Variants in RAD18 observed in about 807,000 individuals in gnomAD.
RAD18 encodes the protein RAD18 E3 ubiquitin protein ligase, also known as E3 ubiquitin-protein ligase RAD18.
Under a neutral mutation model 60.4 loss-of-function variants are expected in RAD18, and 47 were observed. The observed-to-expected ratio is 0.78, with a 90% CI of 0.62 to 0.99. RAD18 has a LOEUF of 0.99. Among genes scored for constraint, RAD18 ranks in the 50% least tolerant of loss-of-function variants. The pLI, the probability that RAD18 is intolerant of heterozygous loss-of-function variation, is 0.00. For synonymous variants in RAD18, 225 were observed against 195.5 expected (o/e 1.15, Z -1.26); for missense variants, 640 against 593.3 (o/e 1.08, Z -0.82).
intron 11 of RAD18, among the ~76,000 whole-genome samples, chr3:8,893,128 C>A (rs1939722297): frequency 6.6e-6 from 1 of 152,130 alleles, no homozygotes; most frequent in Non-Finnish European, 1.5e-5. Flanking sequence ...CCCGAGAAAA[C>A]CTGATTACTA....
At chr3:8,918,912 T>A (rs563032320) in intron 7 of RAD18, among the ~76,000 whole-genome samples, 1 of 152,244 alleles carries the variant, frequency 6.6e-6, no homozygotes, top group Non-Finnish European at 1.5e-5. Context: ...AGTGAGGAGC[T>A]CAGACTTCTA....
intron 9 of RAD18, among the ~76,000 whole-genome samples, chr3:8,911,626 T>C (rs929006550): frequency 1.3e-5 from 2 of 151,894 alleles, no homozygotes; most frequent in South Asian, 2.1e-4. Context: ...CCTCCCACAA[T>C]ACATCACTAC....
At chr3:8,917,055 A>T (rs1483288862) in intron 7 of RAD18, among the ~76,000 whole-genome samples, 1 of 152,198 alleles carries the variant, frequency 6.6e-6, no homozygotes, top group African/African-American at 2.4e-5. Context: ...ACACAAAGAC[A>T]AAATCATGTG....
chr3:8,919,171 A>AG (rs761217506), intron 7 of RAD18, among the ~76,000 whole-genome samples: 7 of 152,236 alleles, frequency 4.6e-5, no homozygotes, highest in Non-Finnish European at 5.9e-5. Context: ...TAACATTTCA[A>AG]GGGATCTGGG....
chr3:8,885,580 A>G (rs754812236), intron 12 of RAD18, among the ~76,000 whole-genome samples: 47 of 152,332 alleles, frequency 3.1e-4, no homozygotes, highest in Non-Finnish European at 5.4e-4. Flanking sequence ...AAATGATTAC[A>G]GCCAGAAAGG....
chr3:8,947,219 C>CCGTG lies in RAD18; in HGVS notation c.263_266dup (p.Asn90ThrfsTer47). 1 of 1,593,158 alleles carries CCGTG rather than the reference C, an allele frequency of 6.3e-7. No homozygotes were observed. Among genetic ancestry groups the CCGTG allele is most frequent in the East Asian group, 2.2e-5 (1 of 44,664 alleles). On this transcript the variant is annotated frameshift_variant and splice_region_variant. Transcript: ENST00000264926. LOFTEE classifies it high-confidence loss of function. Reference sequence around the variant, plus strand: ...AGGTTAGTCACAAAATTAAATCATACCGTGCAAAATTCAAGCTTTTTACCA... The same window carrying CCGTG: ...AGGTTAGTCACAAAATTAAATCATACCGTGCGTGCAAAATTCAAGCTTTTTACCA...
At chr3:8,943,131 A>G (rs1940782749) in intron 4 of RAD18, among the ~76,000 whole-genome samples, 1 of 152,262 alleles carries the variant, frequency 6.6e-6, no homozygotes, top group African/African-American at 2.4e-5. Flanking sequence ...AAAATGTGAC[A>G]TCTTTCAAAA....
intron 8 of RAD18, among the ~76,000 whole-genome samples, chr3:8,913,082 T>C (rs975730482): frequency 6.6e-6 from 1 of 152,090 alleles, no homozygotes; most frequent in Non-Finnish European, 1.5e-5. Context: ...CTTTCTCCAG[T>C]GTCACAGGAC....
intron 9 of RAD18, among the ~76,000 whole-genome samples, chr3:8,902,813 C>T (rs1218934847): frequency 1.3e-5 from 2 of 151,998 alleles, no homozygotes; most frequent in Admixed American, 1.3e-4. Context: ...GACCATTTGT[C>T]AGGAGTTCGA....
chr3:8,914,451 C>T (rs926150821), intron 7 of RAD18, among the ~76,000 whole-genome samples: 4 of 152,190 alleles, frequency 2.6e-5, no homozygotes, highest in Admixed American at 2.0e-4. Context: ...AACATTCAGA[C>T]AGTGTGATAA....
intron 4 of RAD18, among the ~76,000 whole-genome samples, chr3:8,945,692 G>C (rs1020067016): frequency 6.6e-6 from 1 of 151,698 alleles, no homozygotes; most frequent in Non-Finnish European, 1.5e-5. Context: ...GGATGGTCTC[G>C]ATCTCCTGAC....
At chr3:8,902,322 A>C in intron 10 of RAD18, 58 bp downstream of exon 10, 1 of 1,371,756 alleles carries the variant, frequency 7.3e-7, no homozygotes, top group Non-Finnish European at 9.6e-7. Context: ...TAATTTTTTC[A>C]TATTAAAAGT....
In RAD18 at chr3:8,889,365, G is replaced by A. The variant is rs190756626; in HGVS notation, c.1385+1024C>T. 5.3e-5 allele frequency among the ~76,000 whole-genome samples: 8 copies of A among 152,274 alleles called. No homozygotes were observed. The East Asian group carries it at 1.5e-3, about 29-fold the overall frequency. Reference sequence around the variant, plus strand: ...AACAGGGATAATAGAACATCATAATGTTATATTTAAATGAGATCACACATG... The same window carrying A: ...AACAGGGATAATAGAACATCATAATATTATATTTAAATGAGATCACACATG... On this transcript the variant is annotated intron_variant, in intron 12 of 12. Transcript: ENST00000264926.
intron 10 of RAD18, among the ~76,000 whole-genome samples, chr3:8,901,523 T>A (rs1352311819): frequency 6.6e-6 from 1 of 152,206 alleles, no homozygotes; most frequent in Non-Finnish European, 1.5e-5. Flanking sequence ...GAAAACATTA[T>A]GCTTAGAGAA....
At chr3:8,902,349 CAT>C (rs760620762) in intron 10 of RAD18, 29 bp downstream of exon 10, 71 of 1,465,672 alleles carry the variant, frequency 4.8e-5, no homozygotes, top group Non-Finnish European at 5.8e-5. Context: ...TGAAATTCGA[CAT>C]ATGTCTGTTT....
Position 8,941,203 on chromosome 3 carries a change from T to C in RAD18, c.604+264A>G, listed in dbSNP as rs45582437. Among the ~76,000 whole-genome samples the C allele has an allele frequency of 3.9e-3, 589 of 152,268 alleles. 5 individuals are homozygous for C. Among genetic ancestry groups the C allele is most frequent in the African/African-American group, 0.014 (571 of 41,554 alleles). ...TATGTTGAATGAGGGGAAGAAAGAT[T>C]AAAAGCTGAAAACAGAAAGCTACTG... On this transcript the variant is annotated intron_variant, in intron 5 of 12. Transcript: ENST00000264926.
chr3:8,931,938 T>C (rs934797466), intron 7 of RAD18, among the ~76,000 whole-genome samples: 3 of 152,206 alleles, frequency 2.0e-5, no homozygotes, highest in Admixed American at 6.5e-5. Flanking sequence ...AAACTAGATA[T>C]ACATATTTTT....
chr3:8,931,487 C>G lies in RAD18; in HGVS notation c.889+4384G>C, dbSNP rs545677650. 54 of 152,384 alleles carry G rather than the reference C, an allele frequency of 3.5e-4. 1 individual carries two copies. Among genetic ancestry groups the G allele is most frequent in the African/African-American group, 1.2e-3 (49 of 41,580 alleles). 9.4% of individuals were successfully genotyped at this position (152,384 alleles called of 1,614,324 possible). A position where few individuals can be genotyped will look rare whatever the true frequency, so the allele number is the denominator to read the frequency against. Reference sequence around the variant, plus strand: ...GGTACACACTAATAAACTGACTGCCCTGCAGATGCTGTCCTGGACCTGCCA... The same window carrying G: ...GGTACACACTAATAAACTGACTGCCGTGCAGATGCTGTCCTGGACCTGCCA... On this transcript the variant is annotated intron_variant, in intron 7 of 12. Coordinates refer to ENST00000264926, the MANE Select transcript of RAD18 (RefSeq NM_020165.4).
intron 12 of RAD18, 113 bp from the exon 13 acceptor site, chr3:8,881,572 T>A: frequency 1.3e-6 from 1 of 772,798 alleles, no homozygotes; most frequent in South Asian, 1.8e-5. Flanking sequence ...GAAATAATCC[T>A]CTATTCTGTT....
Sources: allele counts gnomAD v4.1 joint callset (sites outside exome capture counted in the v4.1 genomes callset), GRCh38; gene constraint gnomAD v4.1.1; transcripts MANE v1.5; gene names NCBI Gene and HGNC (gene_info 2026-07-23, HGNC 2026-07-21).